Variants in FGGY observed in about 807,000 individuals in gnomAD.
The protein encoded by FGGY is FGGY carbohydrate kinase domain-containing protein.
In FGGY, 72 loss-of-function variants were observed where a neutral mutation model predicts 71.3. The ratio of observed to expected loss-of-function variants is 1.01; its 90% CI spans 0.84 to 1.23. FGGY has a LOEUF of 1.23. FGGY is among the 50% of genes most tolerant of loss of function. The pLI, the probability that FGGY is intolerant of heterozygous loss-of-function variation, is 0.00. For missense variants in FGGY, 668 were observed against 682.3 expected (o/e 0.98, Z 0.23); for synonymous variants, 251 against 250.3 (o/e 1.00, Z -0.02).
intron 13 of FGGY, among the ~76,000 whole-genome samples, chr1:59,670,142 G>A (rs576697425): frequency 3.9e-4 from 59 of 152,324 alleles, no homozygotes; most frequent in Non-Finnish European, 7.5e-4. Context: ...ATGGCAAAGT[G>A]CATCTGCCTT....
chr1:59,638,686 T>C (rs1040812954), intron 11 of FGGY, among the ~76,000 whole-genome samples: 1 of 152,204 alleles, frequency 6.6e-6, no homozygotes. Flanking sequence ...TAAAGTCAAA[T>C]TTTCCAGCTG....
intron 5 of FGGY, among the ~76,000 whole-genome samples, chr1:59,416,846 G>T (rs977480741): frequency 1.3e-5 from 2 of 152,072 alleles, no homozygotes; most frequent in Non-Finnish European, 2.9e-5. Flanking sequence ...AAGTCCCATG[G>T]CCACTCTTAG....
In FGGY at chr1:59,499,299, G is replaced by GTTTTTTTTTTTTTTTTTTTT. The variant is rs58170089; in HGVS notation, c.671-12996_671-12995insTTTTTTTTTTTTTTTTTTTT. On this transcript the variant is annotated intron_variant, in intron 6 of 15. Transcript: ENST00000303721. The stretch of plus-strand genomic sequence containing the variant: ...ACTGAACCCTATGTATACTATGTTT[G>GTTTTTTTTTTTTTTTTTTTT]TTTTTTTTTTTTTTTTGATCTGGTA... Among the ~76,000 whole-genome samples, 110 of 105,798 alleles carry GTTTTTTTTTTTTTTTTTTTT rather than the reference G, an allele frequency of 1.0e-3. 11 individuals carry two copies. Among genetic ancestry groups the GTTTTTTTTTTTTTTTTTTTT allele is most frequent in the Non-Finnish European group, 1.3e-3 (71 of 54,054 alleles). The allele number at this position is 105,798 out of a possible 152,430, so 69.4% of individuals were successfully genotyped here.
At chr1:59,456,396 G>A (rs1411838200) in intron 5 of FGGY, among the ~76,000 whole-genome samples, 2 of 150,780 alleles carry the variant, frequency 1.3e-5, no homozygotes, top group East Asian at 1.9e-4. Context: ...ATGTAAATAC[G>A]AATATTCATA....
chr1:59,595,237 A>T (rs1303498981), intron 8 of FGGY, among the ~76,000 whole-genome samples: 1 of 152,180 alleles, frequency 6.6e-6, no homozygotes, highest in African/African-American at 2.4e-5. Context: ...TAAGAATATG[A>T]AACAGCACAT....
Position 59,422,458 on chromosome 1 carries a change from G to T in FGGY, c.555-34503G>T, listed in dbSNP as rs540196092. Among the ~76,000 whole-genome samples, 4 of 152,312 alleles carry T rather than the reference G, an allele frequency of 2.6e-5. No individual in the cohort carries two copies. The South Asian group carries it at 6.2e-4, about 24-fold the overall frequency. ...CCAGTAGTCCCAGCAACTTTGGGAGGCTGAATTGGGTGGATTGCTTGAGCC... is the reference window on the plus strand; with the variant it reads ...CCAGTAGTCCCAGCAACTTTGGGAGTCTGAATTGGGTGGATTGCTTGAGCC... On this transcript the variant is annotated intron_variant, in intron 5 of 15. Transcript: ENST00000303721.
intron 7 of FGGY, among the ~76,000 whole-genome samples, chr1:59,533,155 A>G (rs1393337672): frequency 3.3e-5 from 5 of 152,204 alleles, no homozygotes; most frequent in Non-Finnish European, 4.4e-5. Context: ...GCCGCGCACC[A>G]TGCACGAGCT....
At chr1:59,577,846 C>T (rs2096111017) in intron 8 of FGGY, among the ~76,000 whole-genome samples, 1 of 152,126 alleles carries the variant, frequency 6.6e-6, no homozygotes, top group South Asian at 2.1e-4. Context: ...TCTTCGTTGC[C>T]TGGAGAGTAA....
intron 10 of FGGY, among the ~76,000 whole-genome samples, chr1:59,632,542 A>C (rs1396422691): frequency 6.6e-6 from 1 of 152,240 alleles, no homozygotes; most frequent in Non-Finnish European, 1.5e-5. Flanking sequence ...GATAGATTAA[A>C]ACTTCCCATT....
At chr1:59,399,216 C>A (rs139948888) in intron 5 of FGGY, among the ~76,000 whole-genome samples, 3 of 152,132 alleles carry the variant, frequency 2.0e-5, no homozygotes, top group African/African-American at 7.2e-5. Context: ...TTGTTTGCAT[C>A]GGTTTTAGAA....
At chr1:59,612,629 C>A (rs985083716) in intron 9 of FGGY, among the ~76,000 whole-genome samples, 5 of 152,160 alleles carry the variant, frequency 3.3e-5, no homozygotes, top group Non-Finnish European at 5.9e-5. Flanking sequence ...ATGACAGGAT[C>A]AAATTCACAC....
At chr1:59,640,173 C>T (rs1572479183) in intron 11 of FGGY, among the ~76,000 whole-genome samples, 1 of 152,100 alleles carries the variant, frequency 6.6e-6, no homozygotes, top group Non-Finnish European at 1.5e-5. Flanking sequence ...TTATAACTGT[C>T]CTTGGGTTAG....
At chr1:59,563,409 G>T (rs757413551) in intron 8 of FGGY, among the ~76,000 whole-genome samples, 16 of 152,136 alleles carry the variant, frequency 1.1e-4, no homozygotes, top group Non-Finnish European at 2.1e-4. Context: ...CAATAATAGA[G>T]AGTCAAATCA....
chr1:59,479,339 C>T (rs994085204), intron 6 of FGGY, among the ~76,000 whole-genome samples: 1 of 151,930 alleles, frequency 6.6e-6, no homozygotes, highest in African/African-American at 2.4e-5. Flanking sequence ...TAGAGTGTTC[C>T]ACTGTTTGGT....
chr1:59,596,194 T>C (rs1034222271), intron 8 of FGGY, among the ~76,000 whole-genome samples: 2 of 152,116 alleles, frequency 1.3e-5, no homozygotes, highest in African/African-American at 4.8e-5. Context: ...TTTAAGTGTT[T>C]TCTTTTTTTT....
At chr1:59,754,110 C>T (rs1275531186) in intron 14 of FGGY, among the ~76,000 whole-genome samples, 1 of 152,110 alleles carries the variant, frequency 6.6e-6, no homozygotes, top group African/African-American at 2.4e-5. Flanking sequence ...TTTTCTTGTT[C>T]CTCTGAAATG....
At chr1:59,560,889 C>T (rs2095782384) in intron 8 of FGGY, among the ~76,000 whole-genome samples, 1 of 152,164 alleles carries the variant, frequency 6.6e-6, no homozygotes, top group Admixed American at 6.5e-5. Flanking sequence ...TTCCCCGCCC[C>T]CACTGAGACA....
chr1:59,701,050 A>C (rs984643206), intron 14 of FGGY, among the ~76,000 whole-genome samples: 3 of 152,156 alleles, frequency 2.0e-5, no homozygotes, highest in Middle Eastern at 3.4e-3. Flanking sequence ...TCTGTCTCAG[A>C]CTCTAGTTTC....
chr1:59,415,678 G>A (rs1020095313), intron 5 of FGGY, among the ~76,000 whole-genome samples: 3 of 152,204 alleles, frequency 2.0e-5, no homozygotes, highest in South Asian at 2.1e-4. Flanking sequence ...ACTGTTTTGC[G>A]GTTTTCTCCA....
Sources: allele counts gnomAD v4.1 joint callset (sites outside exome capture counted in the v4.1 genomes callset), GRCh38; gene constraint gnomAD v4.1.1; transcripts MANE v1.5; gene names NCBI Gene and HGNC (gene_info 2026-07-23, HGNC 2026-07-21).